The following ENSA variants were observed in gnomAD, a reference collection of about 807,000 sequenced individuals.
ENSA encodes endosulfine alpha.
In ENSA, 7 loss-of-function variants were observed where a neutral mutation model predicts 16.8. The ratio of observed to expected loss-of-function variants is 0.42; its 90% confidence interval spans 0.24 to 0.78. The LOEUF is 0.78. ENSA is among the 30% of genes least tolerant of loss of function. ENSA has a pLI of 0.29. For missense variants in ENSA, 87 were observed against 142.3 expected (o/e 0.61, Z 1.98); for synonymous variants, 58 against 53.4 (o/e 1.09, Z -0.37).
At chr1:150,627,952 A>G (rs1177295308) in intron 1 of ENSA, among the ~76,000 whole-genome samples, 1 of 152,182 alleles carries the variant, frequency 6.6e-6, no homozygotes, top group African/African-American at 2.4e-5. Context: ...ATAGAGGATG[A>G]GTAGCAGGGT....
At chr1:150,629,290 A>C in intron 1 of ENSA, 124 bp downstream of exon 1, 2 of 1,519,460 alleles carry the variant, frequency 1.3e-6, no homozygotes, top group Non-Finnish European at 1.8e-6. Flanking sequence ...ACCCAGCGTG[A>C]CGCAAAAAGT....
At chr1:150,629,215 G>A in intron 1 of ENSA, 199 bp downstream of exon 1, 1 of 1,575,890 alleles carries the variant, frequency 6.3e-7, no homozygotes, top group South Asian at 1.1e-5. Flanking sequence ...ATCAGGAAGA[G>A]TACAGTACTG....
intron 2 of ENSA, among the ~76,000 whole-genome samples, chr1:150,626,805 A>G (rs905949606): frequency 6.6e-6 from 1 of 152,090 alleles, no homozygotes; most frequent in African/African-American, 2.4e-5. Context: ...CGGCCTCCCA[A>G]AGTGCTGGGA....
At chr1:150,624,428 A>C (rs1331513630) in intron 3 of ENSA, 4 of 985,934 alleles carry the variant, frequency 4.1e-6, no homozygotes, top group East Asian at 1.1e-4. Flanking sequence ...CATCTGAAAC[A>C]TGGGTCAACA....
rs587618879 is a variant in ENSA, at chr1:150,628,597, C to G, written c.57+817G>C. Reference sequence around the variant, plus strand: ...TTTTAGTGGAATTATATTCCTTTCTCTTGGAAATTACGCATAGATATAACA... The same window carrying G: ...TTTTAGTGGAATTATATTCCTTTCTGTTGGAAATTACGCATAGATATAACA... On this transcript the variant is annotated intron_variant, in intron 1 of 3. Transcript: ENST00000369014. Among the ~76,000 whole-genome samples, 40 of 151,454 alleles carry G rather than the reference C, an allele frequency of 2.6e-4. 1 individual carries two copies. In the South Asian group the frequency reaches 7.3e-3, roughly 28 times the overall value.
At chr1:150,628,561 C>T (rs1386565600) in intron 1 of ENSA, among the ~76,000 whole-genome samples, 1 of 151,294 alleles carries the variant, frequency 6.6e-6, no homozygotes, top group Non-Finnish European at 1.5e-5. Context: ...ATGAAGTCAA[C>T]GTATGACTCT....
intron 3 of ENSA, chr1:150,623,607 G>A: frequency 1.7e-5 from 17 of 984,208 alleles, no homozygotes; most frequent in Non-Finnish European, 1.9e-5. Flanking sequence ...GAAGATCGGA[G>A]ATGAAGAAAA....
Position 150,622,682 on chromosome 1 carries a change from G to A in ENSA, c.*162C>T. 1 of 590,262 alleles carries A rather than the reference G, an allele frequency of 1.7e-6. No individual in the cohort carries two copies. The highest frequency in any genetic ancestry group is 2.8e-6 in the Non-Finnish European group (1 of 356,176). The allele number at this position is 590,262 out of a possible 1,614,324, so 36.6% of individuals were successfully genotyped here. A position where few individuals can be genotyped will look rare whatever the true frequency, so the allele number is the denominator to read the frequency against. On this transcript the variant is annotated 3_prime_UTR_variant, in exon 4 of 4. Coordinates refer to ENST00000369014, the MANE Select transcript of ENSA (RefSeq NM_004436.4). ...TGGTGCTCAGCCCAAGGGGCTCCAT[G>A]TGCTGGGACACCAACAGGAAAGGGC...
At chr1:150,625,613 G>A (rs1196782229) in intron 3 of ENSA, 29 bp downstream of exon 3, 14 of 1,564,360 alleles carry the variant, frequency 8.9e-6, no homozygotes, top group Non-Finnish European at 1.2e-5. Context: ...AGTGGTTGAG[G>A]AAGGGGAGGA....
chr1:150,629,378 T>C (rs1225393762), intron 1 of ENSA, 36 bp downstream of exon 1: 1 of 1,604,688 alleles, frequency 6.2e-7, no homozygotes, highest in Non-Finnish European at 8.5e-7. Context: ...CATCACGGTC[T>C]CCCCAGCTCG....
rs183764261 is a variant in ENSA at position 150,623,619 on chromosome 1, G to A, written c.351-760C>T. 1.0e-4 allele frequency: 101 copies of A among 976,668 alleles called. No individual in the cohort carries two copies. The East Asian group carries it at 7.6e-3, about 74-fold the overall frequency. 60.5% of individuals were successfully genotyped at this position (976,668 alleles called of 1,614,324 possible). On this transcript the variant is annotated intron_variant, in intron 3 of 3. Transcript: ENST00000369014. ...TGAGAAGATCGGAGATGAAGAAAACGTACAAAATTATATATATATTTATAT... is the reference window on the plus strand; with the variant it reads ...TGAGAAGATCGGAGATGAAGAAAACATACAAAATTATATATATATTTATAT...
In ENSA at chr1:150,627,494, G is replaced by C. The variant is rs1228145957; in HGVS notation, c.156C>G (p.Asp52Glu). 6 of 1,614,138 alleles carry C rather than the reference G, an allele frequency of 3.7e-6. No individual in the cohort carries two copies. The highest frequency in any genetic ancestry group is 5.1e-6 in the Non-Finnish European group (6 of 1,180,050). The change falls in exon 2 of 4, where the codon GAC (aspartate) becomes GAG (glutamate). Residue 52 changes from aspartate to glutamate, a missense_variant. By Grantham distance (45) the Asp-to-Glu change is conservative. Transcript: ENST00000369014. ...CTTTCTGGAGTCTCTTCATGAGGAA[G>C]TCGGAGCCTCCAGGCTTTTGTCCTA... is the stretch of plus-strand genomic sequence containing the variant. ...PSLGQKPGGS[D>E]FLMKRLQKGQ... is the part of the protein sequence containing the mutation.
At chr1:150,625,615 AG>A (rs765707789) in intron 3 of ENSA, 26 bp downstream of exon 3, 1 of 1,564,366 alleles carries the variant, frequency 6.4e-7, no homozygotes, top group Non-Finnish European at 8.7e-7. Flanking sequence ...TGGTTGAGGA[AG>A]GGGAGGAGAG....
chr1:150,629,311 T>G (rs1297824064), intron 1 of ENSA, 103 bp downstream of exon 1: 2 of 1,545,708 alleles, frequency 1.3e-6, no homozygotes, highest in Non-Finnish European at 1.8e-6. Context: ...GGCCAACCCC[T>G]GCGGAGCCTG....
At chr1:150,625,897 C>T in intron 2 of ENSA, 89 bp from the exon 3 acceptor site, 1 of 1,477,884 alleles carries the variant, frequency 6.8e-7, no homozygotes, top group Non-Finnish European at 9.0e-7. Flanking sequence ...ATTATAAACC[C>T]TCATGCACAC....
rs587666687 is a variant in ENSA, at chr1:150,622,960, C to A, written c.351-101G>T. On this transcript the variant is annotated intron_variant, in intron 3 of 3. Coordinates refer to ENST00000369014, the MANE Select transcript of ENSA (RefSeq NM_004436.4). ...CCCAGTCTCTACCCCATGATTCCTC[C>A]ACATTTAACAACCATTAGGCTACCT... The A allele has an allele frequency of 1.8e-5, 25 of 1,406,200 alleles. 1 individual carries two copies. The South Asian group carries it at 2.6e-4, about 14-fold the overall frequency. 87.1% of individuals were successfully genotyped at this position (1,406,200 alleles called of 1,614,324 possible).
intron 2 of ENSA, 87 bp from the exon 3 acceptor site, chr1:150,625,895 C>A (rs1649272822): frequency 4.1e-6 from 6 of 1,480,904 alleles, no homozygotes; most frequent in South Asian, 1.5e-5. Context: ...CCATTATAAA[C>A]CCTCATGCAC....
chr1:150,625,610 G>A, intron 3 of ENSA, 32 bp downstream of exon 3: 1 of 1,561,190 alleles, frequency 6.4e-7, no homozygotes, highest in East Asian at 2.3e-5. Flanking sequence ...TCCAGTGGTT[G>A]AGGAAGGGGA....
chr1:150,627,496 C>G lies in ENSA; in HGVS notation c.154G>C (p.Asp52His), dbSNP rs759538315. The G allele has an allele frequency of 1.2e-6, 2 of 1,614,086 alleles. No individual in the cohort carries two copies. The highest frequency in any genetic ancestry group is 4.5e-5 in the East Asian group (2 of 44,894). ...PSLGQKPGGSDFLMKRLQKGQ... is the reference protein window; with the variant it reads ...PSLGQKPGGSHFLMKRLQKGQ... ...TTCTGGAGTCTCTTCATGAGGAAGT[C>G]GGAGCCTCCAGGCTTTTGTCCTAGG... is the stretch of plus-strand genomic sequence containing the variant. The change falls in exon 2 of 4, where the codon GAC becomes CAC. Residue 52 changes from aspartate to histidine, a missense_variant. Physicochemically the swap from Asp to His is moderately conservative, Grantham distance 81. Coordinates refer to ENST00000369014, the MANE Select transcript of ENSA (RefSeq NM_004436.4).
Sources: gnomAD v4.1 joint callset for allele counts (sites outside exome capture counted in the v4.1 genomes callset) on GRCh38, gnomAD v4.1.1 for gene constraint, MANE v1.5 for transcripts, NCBI Gene and HGNC (gene_info 2026-07-23, HGNC 2026-07-21) for gene names.